Variants in PPARGC1B observed in about 807,000 individuals in gnomAD.
PPARGC1B encodes the protein peroxisome proliferator-activated receptor gamma coactivator 1-beta.
In PPARGC1B, 34 loss-of-function variants were observed where a neutral mutation model predicts 101.6. The observed-to-expected ratio is 0.33, with a 90% CI of 0.25 to 0.45. PPARGC1B has a LOEUF of 0.45. PPARGC1B is among the 20% of genes least tolerant of loss of function. The pLI, the probability that PPARGC1B is intolerant of heterozygous loss-of-function variation, is 1.00. For missense variants in PPARGC1B, 1,234 were observed against 1,317.6 expected (o/e 0.94, Z 0.98); for synonymous variants, 548 against 539.3 (o/e 1.02, Z -0.22).
Position 149,837,720 on chromosome 5 carries a change from GA to G in PPARGC1B, c.2618+653del, listed in dbSNP as rs532095648. Among the ~76,000 whole-genome samples, 1 of 152,182 alleles carries G rather than the reference GA, an allele frequency of 6.6e-6. No individual in the cohort carries two copies. Reference sequence around the variant, plus strand: ...CAAAAGTCAGCTGGGGAGCTGGGCAGAAAAAATGGAGGTTTGGCAGATTCAG... The same window carrying G: ...CAAAAGTCAGCTGGGGAGCTGGGCAGAAAAATGGAGGTTTGGCAGATTCAG... On this transcript the variant is annotated intron_variant, in intron 8 of 11. Transcript: ENST00000309241. This position sits in a 1 kb window ranked among gnomAD's most constrained non-coding sequence, Gnocchi z 4.2.
At chr5:149,763,247 G>A (rs547809328) in intron 1 of PPARGC1B, among the ~76,000 whole-genome samples, 3 of 152,344 alleles carry the variant, frequency 2.0e-5, no homozygotes, top group East Asian at 1.9e-4. Context: ...CTTCATCGTG[G>A]CCCCAGGTTC....
chr5:149,785,804 G>C (rs1443812666), intron 1 of PPARGC1B, among the ~76,000 whole-genome samples: 1 of 152,188 alleles, frequency 6.6e-6, no homozygotes, highest in African/African-American at 2.4e-5. Context: ...CCAGAGAATA[G>C]AATGGTTTGC....
In PPARGC1B at chr5:149,820,309, G is replaced by A. The variant is rs371881868; in HGVS notation, c.79-124G>A. ...GGTGAAGCTGATCTTTCCATTTCTT[G>A]GTCATTTGGCAAAATCGGGCCTTGG... On this transcript the variant is annotated intron_variant, in intron 1 of 11. Coordinates refer to ENST00000309241, the MANE Select transcript of PPARGC1B (RefSeq NM_133263.4). 149 of 851,882 alleles carry A rather than the reference G, an allele frequency of 1.7e-4. 1 individual carries two copies. Among genetic ancestry groups the A allele is most frequent in the South Asian group, 1.3e-3 (80 of 61,904 alleles). The allele number at this position is 851,882 out of a possible 1,614,324, so 52.8% of individuals were successfully genotyped here. A position where few individuals can be genotyped will look rare whatever the true frequency, so the allele number is the denominator to read the frequency against.
chr5:149,808,075 A>G (rs984964742), intron 1 of PPARGC1B, among the ~76,000 whole-genome samples: 2 of 152,244 alleles, frequency 1.3e-5, no homozygotes, highest in Non-Finnish European at 2.9e-5. Flanking sequence ...AGAAACAGCA[A>G]CGGGGCCATG....
In PPARGC1B at chr5:149,779,358, G is replaced by T. The variant is rs149549274; in HGVS notation, c.79-41075G>T. On this transcript the variant is annotated intron_variant, in intron 1 of 11. Transcript: ENST00000309241. ...AATACAATGGGCACTTTGCGTCTGG[G>T]GGAGGGGCTGCCTCTTCTGCCCTCA... is the stretch of plus-strand genomic sequence containing the variant. Among the ~76,000 whole-genome samples the T allele has an allele frequency of 3.9e-3, 594 of 152,310 alleles. 3 individuals are homozygous for T. The highest frequency in any genetic ancestry group is 0.013 in the African/African-American group (550 of 41,570).
At position 149,847,482 on chromosome 5, in the gene PPARGC1B, C is replaced by T. The variant is rs775766632; in HGVS notation, c.2996C>T (p.Pro999Leu). ...DYDSNSEEALPASGKSKYEAM... is the reference protein window; with the variant it reads ...DYDSNSEEALLASGKSKYEAM... The stretch of plus-strand genomic sequence containing the variant: ...GATTCCAATTCAGAAGAGGCCCTTC[C>T]TGCGTCAGGGAAAAGCAAGTATGAA... The change falls in exon 12 of 12, where the codon CCT (proline) becomes CTT (leucine). Residue 999 changes from proline to leucine, a missense_variant. Coordinates refer to ENST00000309241, the MANE Select transcript of PPARGC1B (RefSeq NM_133263.4). 3 of 1,614,154 alleles carry T rather than the reference C, an allele frequency of 1.9e-6. No homozygotes were observed. Among genetic ancestry groups the T allele is most frequent in the Non-Finnish European group, 2.5e-6 (3 of 1,180,016 alleles).
intron 1 of PPARGC1B, among the ~76,000 whole-genome samples, chr5:149,781,047 A>G (rs1756578922): frequency 6.6e-6 from 1 of 152,176 alleles, no homozygotes; most frequent in Non-Finnish European, 1.5e-5. Context: ...TCTACTAAAA[A>G]TACAGAAATT....
intron 1 of PPARGC1B, among the ~76,000 whole-genome samples, chr5:149,799,846 C>T (rs556241786): frequency 6.6e-6 from 1 of 151,786 alleles, no homozygotes; most frequent in Non-Finnish European, 1.5e-5. Context: ...TACAGGTGTA[C>T]GCCACCACAC....
intron 1 of PPARGC1B, among the ~76,000 whole-genome samples, chr5:149,795,204 G>C (rs995494632): frequency 6.6e-6 from 1 of 152,226 alleles, no homozygotes; most frequent in Non-Finnish European, 1.5e-5. Flanking sequence ...GAAATTACAT[G>C]TCATAGCTTA....
chr5:149,821,739 A>G (rs1017179385), intron 2 of PPARGC1B, among the ~76,000 whole-genome samples: 1 of 152,212 alleles, frequency 6.6e-6, no homozygotes, highest in South Asian at 2.1e-4. Context: ...CACTGTGTTC[A>G]TCCGAGGACT....
In PPARGC1B at chr5:149,847,575, C is replaced by T. The variant is rs763009809; in HGVS notation, c.*17C>T. ...CTGCATTGATAACAGCCTTAACCCT[C>T]GAGGAATACCTCAATACCTCAGACA... On this transcript the variant is annotated 3_prime_UTR_variant, in exon 12 of 12. Transcript: ENST00000309241. 4.7e-5 allele frequency: 74 copies of T among 1,570,134 alleles called. No homozygotes were observed. Among genetic ancestry groups the T allele is most frequent in the Middle Eastern group, 1.7e-4 (1 of 5,984 alleles).
At chr5:149,835,725 G>T (rs1160375617) in intron 7 of PPARGC1B, among the ~76,000 whole-genome samples, 1 of 152,204 alleles carries the variant, frequency 6.6e-6, no homozygotes, top group Non-Finnish European at 1.5e-5. Flanking sequence ...ACGTAGATCA[G>T]GAAGAGGTAT....
chr5:149,796,242 G>A (rs1202944010), intron 1 of PPARGC1B, among the ~76,000 whole-genome samples: 1 of 152,140 alleles, frequency 6.6e-6, no homozygotes, highest in East Asian at 1.9e-4. Context: ...GTTGGAGGAG[G>A]TGACATTTGA....
At chr5:149,823,997 C>G (rs1222103068) in intron 2 of PPARGC1B, among the ~76,000 whole-genome samples, 1 of 152,124 alleles carries the variant, frequency 6.6e-6, no homozygotes, top group East Asian at 1.9e-4. Context: ...CCTGCCACCA[C>G]GCCCCCCAAA....
chr5:149,848,476 C>T lies in PPARGC1B; in HGVS notation c.*918C>T, dbSNP rs1759657033. ...CCTTCTGGTTCTTGGTCCCGTGCTT[C>T]CGTAGTAGCTGGGGTAAAGACACCG... On this transcript the variant is annotated 3_prime_UTR_variant, in exon 12 of 12. Transcript: ENST00000309241. 6.6e-6 allele frequency: 1 copy of T among 152,236 alleles called. No individual in the cohort carries two copies. Among genetic ancestry groups the T allele is most frequent in the Non-Finnish European group, 1.5e-5 (1 of 68,064 alleles). 9.4% of individuals were successfully genotyped at this position (152,236 alleles called of 1,614,324 possible).
At chr5:149,757,780 C>T (rs1755590334) in intron 1 of PPARGC1B, among the ~76,000 whole-genome samples, 5 of 152,166 alleles carry the variant, frequency 3.3e-5, no homozygotes. Flanking sequence ...CTGGCAGGGT[C>T]ATGGTGCAGA....
chr5:149,822,611 C>G (rs528664726), intron 2 of PPARGC1B, among the ~76,000 whole-genome samples: 7 of 152,368 alleles, frequency 4.6e-5, no homozygotes, highest in African/African-American at 1.7e-4. Context: ...TAACAGTCAT[C>G]CACTGAATGA....
At position 149,853,069 on chromosome 5, in the gene PPARGC1B, TG is replaced by T. The variant is rs1269040062; in HGVS notation, c.*5513del. The T allele has an allele frequency of 1.3e-5, 2 of 152,192 alleles. No individual in the cohort carries two copies. The highest frequency in any genetic ancestry group is 4.8e-5 in the African/African-American group (2 of 41,438). 9.4% of individuals were successfully genotyped at this position (152,192 alleles called of 1,614,324 possible). A position where few individuals can be genotyped will look rare whatever the true frequency, so the allele number is the denominator to read the frequency against. The stretch of plus-strand genomic sequence containing the variant: ...CTAGAACCCCCCTGGGCTGTATTTT[TG>T]GTCAAAGGAGTCTCCAAGGCGGCTT... On this transcript the variant is annotated 3_prime_UTR_variant, in exon 12 of 12. Coordinates refer to ENST00000309241, the MANE Select transcript of PPARGC1B (RefSeq NM_133263.4). This position sits in a 1 kb window ranked among gnomAD's most constrained non-coding sequence, Gnocchi z 4.2.
rs1759837067 is a variant in PPARGC1B, at chr5:149,853,363, C to T, written c.*5805C>T. 6.6e-6 allele frequency: 1 copy of T among 152,226 alleles called. No individual in the cohort carries two copies. Among genetic ancestry groups the T allele is most frequent in the Non-Finnish European group, 1.5e-5 (1 of 68,070 alleles). 9.4% of individuals were successfully genotyped at this position (152,226 alleles called of 1,614,324 possible). ...AGTGCAACACTAGGGTCAGAAGACT[C>T]CAGAAGCAGCCACTTAGTAGACTCT... On this transcript the variant is annotated 3_prime_UTR_variant, in exon 12 of 12. Coordinates refer to ENST00000309241, the MANE Select transcript of PPARGC1B (RefSeq NM_133263.4). This position sits in a 1 kb window ranked among gnomAD's most constrained non-coding sequence, Gnocchi z 4.2.
Sources: gnomAD v4.1 joint callset for allele counts (sites outside exome capture counted in the v4.1 genomes callset) on GRCh38, gnomAD v4.1.1 for gene constraint, Gnocchi (gnomAD v3.1) non-coding constraint, MANE v1.5 for transcripts, NCBI Gene and HGNC (gene_info 2026-07-23, HGNC 2026-07-21) for gene names.